The following MMD2 variants were observed in gnomAD, a reference collection of about 807,000 sequenced individuals.
MMD2 encodes monocyte to macrophage differentiation associated 2.
A neutral mutation model predicts 33.5 loss-of-function variants in MMD2; 30 were observed. That is an observed-to-expected ratio of 0.90 (90% CI 0.67 to 1.22). The LOEUF is 1.22. Ranked by LOEUF, MMD2 falls within the 50% of genes most tolerant of loss-of-function variation. MMD2 has a pLI of 0.00. For missense variants in MMD2, 364 were observed against 325.4 expected, an observed-to-expected ratio of 1.12 and a Z score of -0.91; for synonymous variants, 129 against 123.0, an observed-to-expected ratio of 1.05 and a Z score of -0.32.
chr7:4,948,746 A>C lies in MMD2; in HGVS notation c.47+10225T>G, dbSNP rs565663807. Among the ~76,000 whole-genome samples, 156 of 152,278 alleles carry C rather than the reference A, an allele frequency of 1.0e-3. 1 individual carries two copies. The highest frequency in any genetic ancestry group is 3.6e-3 in the African/African-American group (151 of 41,570). On this transcript the variant is annotated intron_variant, in intron 1 of 6. Coordinates refer to ENST00000401401, the MANE Select transcript of MMD2 (RefSeq NM_198403.4). Reference sequence around the variant, plus strand: ...CAAATCTGACTGTGCTGACACTTTGATCTTGACTTCCAGCCTCCAGAATTG... The same window carrying C: ...CAAATCTGACTGTGCTGACACTTTGCTCTTGACTTCCAGCCTCCAGAATTG...
chr7:4,924,198 A>T (rs1004119471), intron 2 of MMD2, among the ~76,000 whole-genome samples: 1 of 152,190 alleles, frequency 6.6e-6, no homozygotes, highest in African/African-American at 2.4e-5. Flanking sequence ...TCTCAAAAAA[A>T]ACAAAAACAA....
chr7:4,929,582 T>C (rs1785521528), intron 1 of MMD2, among the ~76,000 whole-genome samples: 1 of 150,052 alleles, frequency 6.7e-6, no homozygotes, highest in African/African-American at 2.4e-5. Context: ...TGGAGTGCAA[T>C]GGCGCTGTCT....
intron 1 of MMD2, among the ~76,000 whole-genome samples, chr7:4,932,003 C>G (rs1490327436): frequency 6.6e-6 from 1 of 152,126 alleles, no homozygotes; most frequent in African/African-American, 2.4e-5. Context: ...GGTGGGAAAC[C>G]TATTCTCCCC....
At chr7:4,901,686 C>T (rs957651468), downstream of MMD2, among the ~76,000 whole-genome samples, 1 of 152,218 alleles carries the variant, frequency 6.6e-6, no homozygotes, top group African/African-American at 2.4e-5. Flanking sequence ...CAGAACTGGC[C>T]CTGCACAGGG....
chr7:4,937,705 G>A (rs1034293497), intron 1 of MMD2, among the ~76,000 whole-genome samples: 2 of 152,018 alleles, frequency 1.3e-5, no homozygotes, highest in African/African-American at 4.8e-5. Flanking sequence ...ACAGAATCTC[G>A]CCATGTTGCC....
At chr7:4,931,711 C>T (rs1262138490) in intron 1 of MMD2, among the ~76,000 whole-genome samples, 1 of 151,924 alleles carries the variant, frequency 6.6e-6, no homozygotes, top group Non-Finnish European at 1.5e-5. Flanking sequence ...ATTACAGGTA[C>T]ATGCCACCAC....
chr7:4,903,419 A>C (rs73314065), downstream of MMD2, among the ~76,000 whole-genome samples: 1,279 of 151,084 alleles, frequency 8.5e-3, 12 homozygotes, highest in African/African-American at 0.03. Context: ...GCGCTATCCT[A>C]TGATTCTCCC....
chr7:4,932,017 G>A (rs1048874727), intron 1 of MMD2, among the ~76,000 whole-genome samples: 1 of 152,138 alleles, frequency 6.6e-6, no homozygotes. Context: ...TCTCCCCGAG[G>A]TCTCTCCCTC....
At chr7:4,958,562 T>G (rs946607046) in intron 1 of MMD2, among the ~76,000 whole-genome samples, 1 of 152,112 alleles carries the variant, frequency 6.6e-6, no homozygotes, top group Non-Finnish European at 1.5e-5. Context: ...CCTTTTACCA[T>G]GAACAAGAGT....
At position 4,907,291 on chromosome 7, in the gene MMD2, T is replaced by C. The variant is rs1784887126; in HGVS notation, c.*105A>G. On this transcript the variant is annotated 3_prime_UTR_variant, in exon 7 of 7. Transcript: ENST00000401401. ...GTCACCTTGGAGCCATCAAGAACTC[T>C]ACCCAATAAAGGGAAGACAGGCCTT... The C allele has an allele frequency of 8.9e-7, 1 of 1,121,908 alleles. No individual in the cohort carries two copies. Among genetic ancestry groups the C allele is most frequent in the South Asian group, 1.4e-5 (1 of 72,492 alleles). The allele number at this position is 1,121,908 out of a possible 1,614,324, so 69.5% of individuals were successfully genotyped here.
chr7:4,931,487 C>G (rs529382062), intron 1 of MMD2, among the ~76,000 whole-genome samples: 44 of 151,966 alleles, frequency 2.9e-4, no homozygotes, highest in African/African-American at 9.7e-4. Flanking sequence ...GGGTCTCACT[C>G]TGTCACCCAG....
intron 1 of MMD2, among the ~76,000 whole-genome samples, chr7:4,934,042 G>A (rs182884385): frequency 7.8e-4 from 116 of 147,988 alleles, no homozygotes; most frequent in Admixed American, 1.7e-3. Flanking sequence ...CAATTCTCCT[G>A]CCTCAGCCTC....
chr7:4,937,111 T>C (rs1785762225), intron 1 of MMD2, among the ~76,000 whole-genome samples: 1 of 151,188 alleles, frequency 6.6e-6, no homozygotes, highest in South Asian at 2.1e-4. Flanking sequence ...AAAGAAATTA[T>C]TGTGGGCCGG....
At chr7:4,937,987 T>C (rs1194175167) in intron 1 of MMD2, among the ~76,000 whole-genome samples, 1 of 137,300 alleles carries the variant, frequency 7.3e-6, no homozygotes, top group African/African-American at 2.7e-5. Flanking sequence ...TTTTTTTTTC[T>C]TTTTTTCTTT....
At chr7:4,958,929 C>A in intron 1 of MMD2, 42 bp downstream of exon 1, 1 of 1,281,662 alleles carries the variant, frequency 7.8e-7, no homozygotes, top group East Asian at 3.2e-5. Flanking sequence ...CCGCCGCGCG[C>A]CCCTCCCTCC....
chr7:4,927,455 G>T (rs1053245915), intron 1 of MMD2, among the ~76,000 whole-genome samples: 1 of 152,120 alleles, frequency 6.6e-6, no homozygotes, highest in Non-Finnish European at 1.5e-5. Context: ...TGAGGCAGAA[G>T]AATCGCTTGA....
At chr7:4,922,203 G>A (rs1785304074) in intron 2 of MMD2, among the ~76,000 whole-genome samples, 1 of 152,052 alleles carries the variant, frequency 6.6e-6, no homozygotes, top group Non-Finnish European at 1.5e-5. Flanking sequence ...TCCAGCCTGG[G>A]TGACAGAGAG....
chr7:4,898,937 G>A, the MMD2 span, among the ~76,000 whole-genome samples: 13 of 151,722 alleles, frequency 8.6e-5, no homozygotes, highest in East Asian at 2.5e-3. Flanking sequence ...AAGGAAGGAA[G>A]GAAGCAAGCA....
At position 4,906,770 on chromosome 7, in the gene MMD2, G is replaced by C; in HGVS notation, c.*626C>G. ...CTACTCTGGCCATTATCCCATTTCAGAGCACACCAGACAGGAAGGGCAAAG... is the reference window on the plus strand; with the variant it reads ...CTACTCTGGCCATTATCCCATTTCACAGCACACCAGACAGGAAGGGCAAAG... On this transcript the variant is annotated 3_prime_UTR_variant, in exon 7 of 7. Transcript: ENST00000401401. The C allele has an allele frequency of 5.2e-6, 2 of 382,038 alleles. No individual in the cohort carries two copies. The highest frequency in any genetic ancestry group is 9.3e-6 in the Non-Finnish European group (2 of 215,580). The allele number at this position is 382,038 out of a possible 1,614,324, so 23.7% of individuals were successfully genotyped here. A position where few individuals can be genotyped will look rare whatever the true frequency, so the allele number is the denominator to read the frequency against.
Sources: gnomAD v4.1 joint callset for allele counts (sites outside exome capture counted in the v4.1 genomes callset) on GRCh38, gnomAD v4.1.1 for gene constraint, MANE v1.5 for transcripts, NCBI Gene and HGNC (gene_info 2026-07-23, HGNC 2026-07-21) for gene names.